Variants in MLLT3 observed in about 807,000 individuals in gnomAD.
MLLT3 encodes the protein MLLT3 super elongation complex subunit.
A neutral mutation model predicts 53.2 loss-of-function variants in MLLT3; 4 were observed. The observed-to-expected ratio is 0.08, with a 90% CI of 0.04 to 0.17. The LOEUF is 0.17. Among genes scored for constraint, MLLT3 ranks in the 10% least tolerant of loss-of-function variants. The pLI, the probability that MLLT3 is intolerant of heterozygous loss-of-function variation, is 1.00. For synonymous variants in MLLT3, 283 were observed against 230.6 expected (o/e 1.23, Z -2.06); for missense variants, 569 against 684.0 (o/e 0.83, Z 1.87).
chr9:20,588,263 A>G (rs1212929547), intron 2 of MLLT3, among the ~76,000 whole-genome samples: 2 of 150,322 alleles, frequency 1.3e-5, no homozygotes, highest in Non-Finnish European at 3.0e-5. Context: ...TATAGTTTGA[A>G]GTCAGGTAGT....
chr9:20,479,112 A>G (rs2118901858), intron 2 of MLLT3, among the ~76,000 whole-genome samples: 1 of 152,224 alleles, frequency 6.6e-6, no homozygotes, highest in East Asian at 1.9e-4. Context: ...TTAATTAGAG[A>G]GGAGTGGGTA....
chr9:20,373,566 T>C (rs1017298945), intron 5 of MLLT3, among the ~76,000 whole-genome samples: 3 of 152,190 alleles, frequency 2.0e-5, no homozygotes, highest in Non-Finnish European at 4.4e-5. Flanking sequence ...GGCAACTATA[T>C]TTATGAACAG....
At chr9:20,470,997 C>A (rs1318256481) in intron 2 of MLLT3, among the ~76,000 whole-genome samples, 1 of 151,868 alleles carries the variant, frequency 6.6e-6, no homozygotes, top group Non-Finnish European at 1.5e-5. Flanking sequence ...TATTTAACAC[C>A]TTTCATCACG....
intron 5 of MLLT3, among the ~76,000 whole-genome samples, chr9:20,390,357 A>G (rs1296707687): frequency 6.6e-6 from 1 of 152,228 alleles, no homozygotes; most frequent in Non-Finnish European, 1.5e-5. Context: ...AAGAGAAAGT[A>G]GCACTAATGT....
At chr9:20,416,264 G>A (rs1822869247) in intron 4 of MLLT3, among the ~76,000 whole-genome samples, 1 of 151,694 alleles carries the variant, frequency 6.6e-6, no homozygotes. Flanking sequence ...TTTGCAATCA[G>A]TATTCTAATT....
chr9:20,387,573 A>G (rs1270956728), intron 5 of MLLT3, among the ~76,000 whole-genome samples: 1 of 152,236 alleles, frequency 6.6e-6, no homozygotes, highest in Non-Finnish European at 1.5e-5. Flanking sequence ...CCTGCAAAAT[A>G]GCAGTGTTCT....
intron 2 of MLLT3, among the ~76,000 whole-genome samples, chr9:20,463,036 C>T (rs1324040791): frequency 6.6e-6 from 1 of 152,036 alleles, no homozygotes; most frequent in African/African-American, 2.4e-5. Context: ...GAACGTCATG[C>T]TACACACACT....
chr9:20,395,022 T>C (rs889602897), intron 5 of MLLT3, among the ~76,000 whole-genome samples: 3 of 152,100 alleles, frequency 2.0e-5, no homozygotes, highest in African/African-American at 7.2e-5. Flanking sequence ...TAATCTCCCC[T>C]ATGTTCAATG....
chr9:20,533,775 A>C (rs1434371935), intron 2 of MLLT3, among the ~76,000 whole-genome samples: 1 of 152,252 alleles, frequency 6.6e-6, no homozygotes, highest in Admixed American at 6.5e-5. Context: ...GGAGGACATT[A>C]TGCTAAGTGT....
intron 4 of MLLT3, among the ~76,000 whole-genome samples, chr9:20,442,036 T>C (rs1436468247): frequency 6.6e-6 from 1 of 152,168 alleles, no homozygotes; most frequent in Non-Finnish European, 1.5e-5. Context: ...TACCCATAAA[T>C]TTAAGTTGAA....
chr9:20,536,333 T>C (rs1430661165), intron 2 of MLLT3, among the ~76,000 whole-genome samples: 1 of 152,130 alleles, frequency 6.6e-6, no homozygotes, highest in Non-Finnish European at 1.5e-5. Flanking sequence ...AGTGAGCAAG[T>C]GTCCAGGGTT....
chr9:20,536,253 A>T (rs1818481975), intron 2 of MLLT3, among the ~76,000 whole-genome samples: 1 of 152,204 alleles, frequency 6.6e-6, no homozygotes, highest in Non-Finnish European at 1.5e-5. Flanking sequence ...AGAAAGAAGA[A>T]AATGGCTTTG....
chr9:20,464,063 T>C (rs947569026), intron 2 of MLLT3, among the ~76,000 whole-genome samples: 1 of 151,982 alleles, frequency 6.6e-6, no homozygotes, highest in Non-Finnish European at 1.5e-5. Context: ...CCTTTTGATT[T>C]CTGTAGGTAG....
chr9:20,367,351 G>C (rs1821484019), intron 5 of MLLT3, among the ~76,000 whole-genome samples: 1 of 152,216 alleles, frequency 6.6e-6, no homozygotes, highest in Non-Finnish European at 1.5e-5. Context: ...TTGCTCCCCA[G>C]ATAGTCTGTA....
chr9:20,539,789 G>A (rs1426981518), intron 2 of MLLT3, among the ~76,000 whole-genome samples: 1 of 152,106 alleles, frequency 6.6e-6, no homozygotes, highest in Non-Finnish European at 1.5e-5. Flanking sequence ...CTTCATGACA[G>A]TCCCCGAAGT....
chr9:20,390,606 T>C (rs867958389), intron 5 of MLLT3, among the ~76,000 whole-genome samples: 1 of 152,214 alleles, frequency 6.6e-6, no homozygotes, highest in East Asian at 1.9e-4. Flanking sequence ...TGTTTAAAGT[T>C]TAACTGCCTT....
Position 20,414,178 on chromosome 9 carries a change from C to T in MLLT3, c.668G>A (p.Arg223Lys), listed in dbSNP as rs2118776465. The T allele has an allele frequency of 6.2e-7, 1 of 1,614,188 alleles. No homozygotes were observed. Among genetic ancestry groups the T allele is most frequent in the South Asian group, 1.1e-5 (1 of 91,082 alleles). ...EHKSAFKEPS[R>K]DHNKSSKESS... ...TTCTTTGGAAGATTTGTTGTGATCC[C>T]TGGAAGGTTCTTTGAAGGCACTTTT... Residue 223 changes from arginine (R) to lysine (K), a missense_variant, in exon 5 of 11, where the codon AGG becomes AAG. Around this residue, in one of 5 missense-constraint regions of MLLT3, gnomAD observed 437 missense variants for 376.5 expected, o/e 1.16. Transcript: ENST00000380338.
intron 2 of MLLT3, among the ~76,000 whole-genome samples, chr9:20,552,085 A>G (rs751011237): frequency 2.6e-5 from 4 of 152,152 alleles, no homozygotes; most frequent in Non-Finnish European, 5.9e-5. Context: ...GCTTCCTGAC[A>G]TACTGTAACC....
At chr9:20,375,246 G>C (rs992094397) in intron 5 of MLLT3, among the ~76,000 whole-genome samples, 1 of 152,144 alleles carries the variant, frequency 6.6e-6, no homozygotes, top group African/African-American at 2.4e-5. Flanking sequence ...AAGTGACCGG[G>C]GGTAATATTT....
Sources: allele counts gnomAD v4.1 joint callset (sites outside exome capture counted in the v4.1 genomes callset), GRCh38; gene constraint gnomAD v4.1.1; regional missense constraint gnomAD v4.1.1; transcripts MANE v1.5; gene names NCBI Gene and HGNC (gene_info 2026-07-23, HGNC 2026-07-21).